TPTE2: variants seen among roughly 807,000 people sequenced by gnomAD.
TPTE2 encodes the protein phosphatidylinositol 3,4,5-trisphosphate 3-phosphatase TPTE2.
In TPTE2, 53 loss-of-function variants were observed where a neutral mutation model predicts 78.6. The ratio of observed to expected loss-of-function variants is 0.67; its 90% CI spans 0.54 to 0.85. The LOEUF (loss-of-function observed/expected upper bound fraction) is 0.85, where lower values mean the gene tolerates loss of function less well. Among genes scored for constraint, TPTE2 ranks in the 40% least tolerant of loss-of-function variants. The pLI is 0.00. For synonymous variants in TPTE2, 175 were observed against 206.2 expected (o/e 0.85, Z 1.30); for missense variants, 461 against 623.0 (o/e 0.74, Z 2.77).
intron 10 of TPTE2, among the ~76,000 whole-genome samples, chr13:19,451,752 T>A (rs984577942): frequency 6.6e-6 from 1 of 151,988 alleles, no homozygotes; most frequent in South Asian, 2.1e-4. Flanking sequence ...TATGGAGACT[T>A]TTTTGGCTCA....
intron 19 of TPTE2, among the ~76,000 whole-genome samples, chr13:19,423,399 T>C (rs904943252): frequency 3.3e-5 from 5 of 152,194 alleles, no homozygotes; most frequent in Non-Finnish European, 5.9e-5. Flanking sequence ...TTGCTTTATA[T>C]GGAATTAATG....
intron 6 of TPTE2, among the ~76,000 whole-genome samples, chr13:19,469,634 T>C (rs995872728): frequency 1.3e-5 from 2 of 152,194 alleles, no homozygotes; most frequent in African/African-American, 4.8e-5. Flanking sequence ...ATTTTAACAA[T>C]ATTGATTCTT....
intron 1 of TPTE2, among the ~76,000 whole-genome samples, chr13:19,523,840 GCA>G (rs1323732594): frequency 3.3e-5 from 5 of 152,082 alleles, no homozygotes; most frequent in Non-Finnish European, 7.4e-5. Flanking sequence ...TTACACACAT[GCA>G]CACACAATCT....
At chr13:19,502,640 G>T (rs1868680357) in intron 1 of TPTE2, among the ~76,000 whole-genome samples, 2 of 139,086 alleles carry the variant, frequency 1.4e-5, no homozygotes, top group East Asian at 4.6e-4. Context: ...ACACTCTGGG[G>T]ACTGTTGTGG....
In TPTE2 at chr13:19,483,386, G is replaced by A. The variant is rs527242769; in HGVS notation, c.120-839C>T. ...ATTTCTTCTTGGTTAGTCTTGGTAG[G>A]TCGTATGGTCAAGAATTTTGTCCAC... On this transcript the variant is annotated intron_variant, in intron 3 of 19. Coordinates refer to ENST00000400230, the Ensembl canonical transcript of TPTE2. Among the ~76,000 whole-genome samples, 4 of 152,282 alleles carry A rather than the reference G, an allele frequency of 2.6e-5. No individual in the cohort carries two copies. The South Asian group carries it at 8.3e-4, about 32-fold the overall frequency.
upstream of TPTE2, among the ~76,000 whole-genome samples, chr13:19,538,000 A>G (rs554347353): frequency 6.6e-6 from 1 of 152,304 alleles, no homozygotes; most frequent in South Asian, 2.1e-4. Context: ...ACTTTTGGCT[A>G]CAGAAGTTCT....
the TPTE2 span, among the ~76,000 whole-genome samples, chr13:19,544,930 A>G: frequency 1.3e-4 from 11 of 86,324 alleles, no homozygotes; most frequent in East Asian, 3.7e-3. Flanking sequence ...ACACACGTGC[A>G]CACTCACACA....
rs191112719 is a variant in TPTE2, at chr13:19,446,567, G to C, written c.973+3509C>G. Among the ~76,000 whole-genome samples, 18 of 152,210 alleles carry C rather than the reference G, an allele frequency of 1.2e-4. No homozygotes were observed. The East Asian group carries it at 3.5e-3, about 29-fold the overall frequency. On this transcript the variant is annotated intron_variant, in intron 13 of 19. Coordinates refer to ENST00000400230, the Ensembl canonical transcript of TPTE2. ...GGAATATCTTTACTATATCAGTATA[G>C]GGGTGAATTTCATAAACATGACAGA...
chr13:19,490,932 C>T (rs1042691646), intron 3 of TPTE2, among the ~76,000 whole-genome samples: 2 of 152,134 alleles, frequency 1.3e-5, no homozygotes, highest in Non-Finnish European at 2.9e-5. Context: ...CCTAAGGTTT[C>T]AGGGTGCTGC....
At chr13:19,491,789 C>A (rs968307464) in intron 3 of TPTE2, among the ~76,000 whole-genome samples, 1 of 152,138 alleles carries the variant, frequency 6.6e-6, no homozygotes, top group Non-Finnish European at 1.5e-5. Context: ...CGCGCCACTG[C>A]ACTCCAGCTT....
At chr13:19,496,450 G>T (rs1881315724) in intron 1 of TPTE2, among the ~76,000 whole-genome samples, 1 of 152,090 alleles carries the variant, frequency 6.6e-6, no homozygotes, top group Non-Finnish European at 1.5e-5. Context: ...CCACTTCCTG[G>T]ATCTCTCCAT....
intron 10 of TPTE2, among the ~76,000 whole-genome samples, chr13:19,463,228 G>C (rs1466782754): frequency 7.3e-5 from 11 of 150,726 alleles, no homozygotes; most frequent in South Asian, 4.2e-4. Flanking sequence ...GTGATCCACT[G>C]CCTTGGCCTC....
At chr13:19,507,321 A>AG (rs915211683), upstream of TPTE2, among the ~76,000 whole-genome samples, 228 of 151,768 alleles carry the variant, frequency 1.5e-3, no homozygotes, top group Non-Finnish European at 2.2e-3. Flanking sequence ...AAAAAAAAAA[A>AG]AAAACACATG....
intron 1 of TPTE2, among the ~76,000 whole-genome samples, chr13:19,528,145 G>A (rs1191105616): frequency 3.3e-5 from 5 of 152,208 alleles, no homozygotes; most frequent in Admixed American, 6.5e-5. Context: ...ACTTTGGGAG[G>A]CTGAGGCAGG....
At chr13:19,467,877 G>A (rs1017399257) in intron 6 of TPTE2, among the ~76,000 whole-genome samples, 15 of 138,586 alleles carry the variant, frequency 1.1e-4, no homozygotes, top group Non-Finnish European at 1.8e-4. Flanking sequence ...TACTCTCTAG[G>A]TCTATGAATT....
chr13:19,497,076 A>G (rs1329689767), intron 1 of TPTE2, among the ~76,000 whole-genome samples: 1 of 152,102 alleles, frequency 6.6e-6, no homozygotes, highest in Non-Finnish European at 1.5e-5. Flanking sequence ...CCACCCGAAT[A>G]TTGCGCTTTT....
At chr13:19,537,093 T>C (rs1385190394), upstream of TPTE2, among the ~76,000 whole-genome samples, 1 of 152,018 alleles carries the variant, frequency 6.6e-6, no homozygotes, top group Non-Finnish European at 1.5e-5. Context: ...GGGGTACAAA[T>C]GCTACCTCAA....
chr13:19,460,032 T>C (rs1878788377), intron 10 of TPTE2, among the ~76,000 whole-genome samples: 1 of 152,212 alleles, frequency 6.6e-6, no homozygotes, highest in Non-Finnish European at 1.5e-5. Context: ...CCTGGCTCCC[T>C]GGATTCAGCC....
chr13:19,547,093 A>AG, the TPTE2 span, among the ~76,000 whole-genome samples: 59 of 152,014 alleles, frequency 3.9e-4, no homozygotes, highest in East Asian at 0.01. Flanking sequence ...TTACCAAAAA[A>AG]AAAAAAAGAT....
Sources: allele counts gnomAD v4.1 joint callset (sites outside exome capture counted in the v4.1 genomes callset), GRCh38; gene constraint gnomAD v4.1.1; transcripts MANE v1.5; gene names NCBI Gene and HGNC (gene_info 2026-07-23, HGNC 2026-07-21).